CACNA2D3: variants seen among roughly 807,000 people sequenced by gnomAD.
CACNA2D3 encodes the protein calcium voltage-gated channel auxiliary subunit alpha2delta 3, also known as voltage-dependent calcium channel subunit alpha-2/delta-3.
Under a neutral mutation model 160.6 loss-of-function variants are expected in CACNA2D3, and 60 were observed. The ratio of observed to expected loss-of-function variants is 0.37; its 90% CI spans 0.30 to 0.46. CACNA2D3 has a LOEUF of 0.46. Ranked by LOEUF, CACNA2D3 falls within the 20% of genes least tolerant of loss-of-function variation. The pLI is 1.00. For missense variants in CACNA2D3, 1,205 were observed against 1,365.0 expected, an observed-to-expected ratio of 0.88 and a Z score of 1.85; for synonymous variants, 558 against 492.9, an observed-to-expected ratio of 1.13 and a Z score of -1.75.
chr3:54,802,248 G>C (rs1168693), intron 13 of CACNA2D3, among the ~76,000 whole-genome samples: 1 of 151,822 alleles, frequency 6.6e-6, no homozygotes, highest in Admixed American at 6.6e-5. Flanking sequence ...AGAGAAGGAA[G>C]GTGGAGTGAA....
At chr3:54,800,402 A>G (rs1185102585) in intron 13 of CACNA2D3, among the ~76,000 whole-genome samples, 1 of 152,222 alleles carries the variant, frequency 6.6e-6, no homozygotes, top group African/African-American at 2.4e-5. Flanking sequence ...CAGCTCCCCC[A>G]CATTACCAAA....
In CACNA2D3 at chr3:54,145,761, T is replaced by C. The variant is rs79076190; in HGVS notation, c.204+22167T>C. On this transcript the variant is annotated intron_variant, in intron 2 of 37. Transcript: ENST00000474759. ...GGCAACTTTTCAATAGGGAGACCCC[T>C]GTCTGCTTTCAATTATGGAAGAGTG... Among the ~76,000 whole-genome samples, 1,066 of 152,348 alleles carry C rather than the reference T, an allele frequency of 7.0e-3. 15 individuals carry two copies. The highest frequency in any genetic ancestry group is 0.025 in the African/African-American group (1,029 of 41,574).
chr3:54,134,653 G>T (rs1699783573), intron 2 of CACNA2D3, among the ~76,000 whole-genome samples: 1 of 152,208 alleles, frequency 6.6e-6, no homozygotes, highest in Non-Finnish European at 1.5e-5. Flanking sequence ...CAACAGTCCA[G>T]CCCCAAAGCC....
intron 4 of CACNA2D3, among the ~76,000 whole-genome samples, chr3:54,464,201 T>C (rs1700566732): frequency 6.6e-6 from 1 of 152,186 alleles, no homozygotes; most frequent in Non-Finnish European, 1.5e-5. Flanking sequence ...GCCTCCTAGT[T>C]AGGCTGCTTG....
chr3:54,759,496 G>C (rs62254479), intron 12 of CACNA2D3, among the ~76,000 whole-genome samples: 2 of 150,070 alleles, frequency 1.3e-5, no homozygotes, highest in South Asian at 2.1e-4. Context: ...AAAAAAAAAG[G>C]CTCAGAAAGA....
chr3:54,907,911 T>A (rs994768704), intron 27 of CACNA2D3, among the ~76,000 whole-genome samples: 2 of 152,216 alleles, frequency 1.3e-5, no homozygotes, highest in African/African-American at 4.8e-5. Flanking sequence ...GTACTTCATT[T>A]TTAAATTGCC....
intron 16 of CACNA2D3, among the ~76,000 whole-genome samples, chr3:54,840,843 C>T (rs1179623795): frequency 6.6e-6 from 1 of 150,378 alleles, no homozygotes; most frequent in Non-Finnish European, 1.5e-5. Context: ...CTGCCTCAGC[C>T]CCCCGAGTAG....
intron 16 of CACNA2D3, among the ~76,000 whole-genome samples, chr3:54,839,088 T>C (rs761519828): frequency 4.6e-5 from 7 of 152,094 alleles, no homozygotes; most frequent in Non-Finnish European, 1.0e-4. Context: ...AAACCCCGTC[T>C]CTACTAAAAA....
chr3:54,644,878 T>C (rs1245119695), intron 11 of CACNA2D3, among the ~76,000 whole-genome samples: 1 of 152,230 alleles, frequency 6.6e-6, no homozygotes, highest in Non-Finnish European at 1.5e-5. Context: ...TTAGATACTC[T>C]GCAGGCTTTG....
intron 2 of CACNA2D3, among the ~76,000 whole-genome samples, chr3:54,163,646 T>C (rs1196019204): frequency 2.0e-5 from 3 of 152,150 alleles, no homozygotes; most frequent in Non-Finnish European, 4.4e-5. Context: ...CAACACCCTC[T>C]AACTGCGAGC....
intron 11 of CACNA2D3, among the ~76,000 whole-genome samples, chr3:54,739,706 G>A (rs1016835971): frequency 1.3e-5 from 2 of 151,504 alleles, no homozygotes; most frequent in East Asian, 2.0e-4. Flanking sequence ...TGGGGAGGGT[G>A]CAGTAGCGAC....
intron 4 of CACNA2D3, among the ~76,000 whole-genome samples, chr3:54,495,594 C>T (rs372317151): frequency 6.6e-6 from 1 of 152,056 alleles, no homozygotes; most frequent in Admixed American, 6.6e-5. Flanking sequence ...ACTAAAAATA[C>T]AAAAATTAGC....
intron 2 of CACNA2D3, among the ~76,000 whole-genome samples, chr3:54,300,657 A>C (rs1485019113): frequency 6.6e-6 from 1 of 152,216 alleles, no homozygotes; most frequent in Non-Finnish European, 1.5e-5. Flanking sequence ...AAGTATGACC[A>C]ATAATGTCAT....
At chr3:54,656,760 A>G (rs1022928712) in intron 11 of CACNA2D3, among the ~76,000 whole-genome samples, 4 of 152,260 alleles carry the variant, frequency 2.6e-5, no homozygotes, top group Non-Finnish European at 2.9e-5. Context: ...AGAAGCAGGC[A>G]GGCACCCTGG....
intron 17 of CACNA2D3, among the ~76,000 whole-genome samples, chr3:54,860,599 G>C (rs1699269703): frequency 6.6e-6 from 1 of 152,204 alleles, no homozygotes; most frequent in South Asian, 2.1e-4. Flanking sequence ...TTGAAACTCA[G>C]CTCTGCTCAG....
intron 9 of CACNA2D3, among the ~76,000 whole-genome samples, chr3:54,618,280 A>C (rs1455680513): frequency 2.0e-5 from 3 of 150,624 alleles, no homozygotes; most frequent in Admixed American, 6.6e-5. Context: ...AATGTTGAAA[A>C]CATAAAATAC....
chr3:54,544,291 A>G (rs1285677344), intron 5 of CACNA2D3, among the ~76,000 whole-genome samples: 1 of 152,016 alleles, frequency 6.6e-6, no homozygotes, highest in African/African-American at 2.4e-5. Flanking sequence ...CTACCTTTTA[A>G]TGGTGGGTTA....
chr3:54,688,950 C>G (rs1180170864), intron 11 of CACNA2D3, among the ~76,000 whole-genome samples: 1 of 124,918 alleles, frequency 8.0e-6, no homozygotes, highest in African/African-American at 3.1e-5. Flanking sequence ...CCATTGCGCT[C>G]CAGCCTGGGA....
chr3:54,703,723 A>G lies in CACNA2D3; in HGVS notation c.1168-48876A>G, dbSNP rs1327096868. 3.9e-5 allele frequency among the ~76,000 whole-genome samples: 6 copies of G among 152,350 alleles called. No individual in the cohort carries two copies. The East Asian group carries it at 5.8e-4, about 15-fold the overall frequency. On this transcript the variant is annotated intron_variant, in intron 11 of 37. Coordinates refer to ENST00000474759, the MANE Select transcript of CACNA2D3 (RefSeq NM_018398.3). ...GTTTAAACCTTGTTCATACCTTCAC[A>G]CTGATGTTGTATCATGAGTGTCACC... is the stretch of plus-strand genomic sequence containing the variant.
Sources: allele counts gnomAD v4.1 joint callset (sites outside exome capture counted in the v4.1 genomes callset), GRCh38; gene constraint gnomAD v4.1.1; transcripts MANE v1.5; gene names NCBI Gene and HGNC (gene_info 2026-07-23, HGNC 2026-07-21).